NOLC1: variants seen among roughly 807,000 people sequenced by gnomAD.
The protein encoded by NOLC1 is nucleolar and coiled-body phosphoprotein 1.
In NOLC1, 37 loss-of-function variants were observed where a neutral mutation model predicts 73.4. The observed-to-expected ratio is 0.50, with a 90% CI of 0.39 to 0.66. The LOEUF (loss-of-function observed/expected upper bound fraction) is 0.66. Ranked by LOEUF, NOLC1 falls within the 30% of genes least tolerant of loss-of-function variation. The pLI is 0.00. For missense variants in NOLC1, 921 were observed against 838.9 expected (o/e 1.10, Z -1.21); for synonymous variants, 327 against 302.6 (o/e 1.08, Z -0.84).
At chr10:102,159,766 G>C (rs2069668585) in intron 7 of NOLC1, 130 bp from the exon 8 acceptor site, 2 of 1,104,984 alleles carry the variant, frequency 1.8e-6, no homozygotes, top group Non-Finnish European at 2.5e-6. Context: ...ACCATGTTCT[G>C]TTAGAACTGA....
intron 4 of NOLC1, 81 bp from the exon 5 acceptor site, chr10:102,157,968 C>A (rs1479614094): frequency 3.0e-6 from 4 of 1,349,844 alleles, no homozygotes; most frequent in African/African-American, 1.5e-5. Context: ...CATTAGGCCC[C>A]TAAAAATAAA....
chr10:102,158,661 T>C (rs2069643004), intron 5 of NOLC1, among the ~76,000 whole-genome samples: 1 of 152,214 alleles, frequency 6.6e-6, no homozygotes, highest in Non-Finnish European at 1.5e-5. Flanking sequence ...TGAAAGATTT[T>C]AGAGGGCGTA....
In NOLC1 at chr10:102,160,360, C is replaced by A. The variant is rs1164247041; in HGVS notation, c.1099+17C>A. On this transcript the variant is annotated intron_variant, in intron 9 of 12. Coordinates refer to ENST00000605788, the MANE Select transcript of NOLC1 (RefSeq NM_004741.5). ...ACAGCTCAGGTAAGGCATATGGAGG[C>A]CCTCAGTTCAGTGAGATGCTCTCAG... 2 of 1,613,232 alleles carry A rather than the reference C, an allele frequency of 1.2e-6. No homozygotes were observed. Among genetic ancestry groups the A allele is most frequent in the Admixed American group, 3.3e-5 (2 of 59,976 alleles).
intron 1 of NOLC1, among the ~76,000 whole-genome samples, chr10:102,156,779 G>T (rs2069602713): frequency 6.6e-6 from 1 of 152,066 alleles, no homozygotes; most frequent in Non-Finnish European, 1.5e-5. Flanking sequence ...ATATAGATTG[G>T]CAGGCAGGGG....
chr10:102,159,390 G>C, intron 6 of NOLC1, 43 bp from the exon 7 acceptor site: 1 of 1,613,636 alleles, frequency 6.2e-7, no homozygotes. Flanking sequence ...GGATTGGTTG[G>C]GTCAGCATTT....
Position 102,157,531 on chromosome 10 carries a change from G to C in NOLC1, c.417G>C (p.Glu139Asp). 6.2e-7 allele frequency: 1 copy of C among 1,614,072 alleles called. No homozygotes were observed. The highest frequency in any genetic ancestry group is 8.5e-7 in the Non-Finnish European group (1 of 1,180,012). ...SEESSDDDDEEDQKKQPVQKG... is the reference protein window; with the variant it reads ...SEESSDDDDEDDQKKQPVQKG... Reference sequence around the variant, plus strand: ...AGTCCAGTGATGATGATGATGAGGAGGACCAAAAGAAACAGCCTGTCCAGG... The same window carrying C: ...AGTCCAGTGATGATGATGATGAGGACGACCAAAAGAAACAGCCTGTCCAGG... The change falls in exon 4 of 13, where the codon GAG becomes GAC. Residue 139 changes from glutamate (E) to aspartate (D), a missense_variant. Transcript: ENST00000605788.
intron 1 of NOLC1, among the ~76,000 whole-genome samples, chr10:102,156,087 G>T (rs1017831511): frequency 2.0e-5 from 3 of 152,178 alleles, no homozygotes; most frequent in African/African-American, 7.2e-5. Flanking sequence ...CGATCTGCCC[G>T]CCTTGGCCTC....
At chr10:102,154,728 C>CA (rs2069561914) in intron 1 of NOLC1, among the ~76,000 whole-genome samples, 1 of 152,042 alleles carries the variant, frequency 6.6e-6, no homozygotes, top group Admixed American at 6.6e-5. Context: ...GGGGTTTCAC[C>CA]ATACCAGCCA....
chr10:102,162,284 C>T lies in NOLC1; in HGVS notation c.*15C>T, dbSNP rs765942242. 3 of 1,612,124 alleles carry T rather than the reference C, an allele frequency of 1.9e-6. No homozygotes were observed. The highest frequency in any genetic ancestry group is 1.1e-5 in the South Asian group (1 of 90,902). On this transcript the variant is annotated 3_prime_UTR_variant, in exon 13 of 13. Coordinates refer to ENST00000605788, the MANE Select transcript of NOLC1 (RefSeq NM_004741.5). ...ACAGCGAGTGACCTGAGGCCATCTT[C>T]GGTGAAGCAAGGGTGATGATCGGAG... is the stretch of plus-strand genomic sequence containing the variant.
chr10:102,153,672 C>CTTTTTTTTTTTTTTTTT (rs56074108), intron 1 of NOLC1, among the ~76,000 whole-genome samples: 1 of 88,192 alleles, frequency 1.1e-5, no homozygotes, highest in African/African-American at 3.9e-5. Context: ...AATTAGGATT[C>CTTTTTTTTTTTTTTTTT]TTTTTTTTTT....
At position 102,152,461 on chromosome 10, in the gene NOLC1, C is replaced by T. The variant is rs117993238; in HGVS notation, c.51C>T (p.Leu17=). The T allele has an allele frequency of 6.2e-7, 1 of 1,613,500 alleles. No homozygotes were observed. Among genetic ancestry groups the T allele is most frequent in the East Asian group, 2.2e-5 (1 of 44,882 alleles). The change falls in exon 1 of 13, where the codon CTC becomes CTT. Residue 17 remains leucine (L), a synonymous_variant. Transcript: ENST00000605788. Reference sequence around the variant, plus strand: ...TGGTTCCCAGCGACCTGTATCCCCTCGTGCTCGGCTTCCTGCGCGATAACC... The same window carrying T: ...TGGTTCCCAGCGACCTGTATCCCCTTGTGCTCGGCTTCCTGCGCGATAACC... ...RRVVPSDLYP[L]VLGFLRDNQL...
Position 102,159,180 on chromosome 10 carries a change from T to C in NOLC1, c.608-13T>C, listed in dbSNP as rs754225419. ...TAATACTCCTTACTCTTTCTTTTTC[T>C]TGGGTATTCCAGCTCGAGCAGCACC... On this transcript the variant is annotated splice_polypyrimidine_tract_variant and intron_variant, in intron 5 of 12. Transcript: ENST00000605788. The C allele has an allele frequency of 9.3e-6, 15 of 1,613,566 alleles. No homozygotes were observed. The highest frequency in any genetic ancestry group is 1.3e-5 in the Non-Finnish European group (15 of 1,179,756).
rs553466488 is a variant in NOLC1, at chr10:102,152,402, G to A, written c.-9G>A. On this transcript the variant is annotated 5_prime_UTR_variant, in exon 1 of 13. Coordinates refer to ENST00000605788, the MANE Select transcript of NOLC1 (RefSeq NM_004741.5). Reference sequence around the variant, plus strand: ...GTCGACAACGGTAGTGACGCGTATTGCCTGGAGGATGGCGGACGCCGGCAT... The same window carrying A: ...GTCGACAACGGTAGTGACGCGTATTACCTGGAGGATGGCGGACGCCGGCAT... 29 of 1,608,538 alleles carry A rather than the reference G, an allele frequency of 1.8e-5. No homozygotes were observed. Among genetic ancestry groups the A allele is most frequent in the South Asian group, 2.2e-5 (2 of 91,084 alleles).
intron 4 of NOLC1, 101 bp from the exon 5 acceptor site, chr10:102,157,948 C>G: frequency 3.7e-6 from 4 of 1,075,174 alleles, no homozygotes; most frequent in Non-Finnish European, 2.7e-6. Context: ...TTCTTTTGCT[C>G]TTACTGCTCC....
At chr10:102,160,045 C>T in intron 8 of NOLC1, 21 bp downstream of exon 8, 1 of 1,609,450 alleles carries the variant, frequency 6.2e-7, no homozygotes, top group Non-Finnish European at 8.5e-7. Context: ...GGGATGCAGC[C>T]TCCCCTCAGC....
At chr10:102,161,509 G>A (rs779768343) in intron 10 of NOLC1, 47 bp from the exon 11 acceptor site, 2 of 1,452,876 alleles carry the variant, frequency 1.4e-6, no homozygotes, top group African/African-American at 1.4e-5. Context: ...TGGGGTTACA[G>A]TTGTGAGCCA....
Position 102,159,226 on chromosome 10 carries a change from C to T in NOLC1, c.641C>T (p.Ala214Val), listed in dbSNP as rs1211694430. 6.2e-7 allele frequency: 1 copy of T among 1,613,942 alleles called. No homozygotes were observed. Among genetic ancestry groups the T allele is most frequent in the Non-Finnish European group, 8.5e-7 (1 of 1,179,958 alleles). Residue 214 changes from alanine to valine, a missense_variant, in exon 6 of 13, where the codon GCA (alanine) becomes GTA (valine). Physicochemically the swap from Ala to Val is moderately conservative, Grantham distance 64. Transcript: ENST00000605788. Reference protein sequence around the residue: ...RAAPKIANGKAASSSSSSSSS... With the variant: ...RAAPKIANGKVASSSSSSSSS... Reference sequence around the variant, plus strand: ...GCACCTAAAATAGCCAATGGTAAAGCAGCCAGTAGCAGCAGTAGCAGCAGC... The same window carrying T: ...GCACCTAAAATAGCCAATGGTAAAGTAGCCAGTAGCAGCAGTAGCAGCAGC...
chr10:102,153,999 T>G (rs1249509263), intron 1 of NOLC1, among the ~76,000 whole-genome samples: 1 of 151,226 alleles, frequency 6.6e-6, no homozygotes, highest in Non-Finnish European at 1.5e-5. Context: ...GAAATGGTTT[T>G]ATGTGAGAAA....
At position 102,162,362 on chromosome 10, in the gene NOLC1, T is replaced by C; in HGVS notation, c.*93T>C. The C allele has an allele frequency of 7.2e-6, 10 of 1,389,892 alleles. No homozygotes were observed. The highest frequency in any genetic ancestry group is 2.0e-6 in the Non-Finnish European group (2 of 1,007,694). 86.1% of individuals were successfully genotyped at this position (1,389,892 alleles called of 1,614,324 possible). ...GAACCCTCAGGTCTCTAGGTGAGGG[T>C]CTTGATGAGGACAGAAGTTTAGAGT... is the stretch of plus-strand genomic sequence containing the variant. On this transcript the variant is annotated 3_prime_UTR_variant, in exon 13 of 13. Coordinates refer to ENST00000605788, the MANE Select transcript of NOLC1 (RefSeq NM_004741.5).
Sources: gnomAD v4.1 joint callset for allele counts (sites outside exome capture counted in the v4.1 genomes callset) on GRCh38, gnomAD v4.1.1 for gene constraint, MANE v1.5 for transcripts, NCBI Gene and HGNC (gene_info 2026-07-23, HGNC 2026-07-21) for gene names.